IL1RAPL2: variants seen among roughly 807,000 people sequenced by gnomAD.
IL1RAPL2 encodes the protein X-linked interleukin-1 receptor accessory protein-like 2.
A neutral mutation model predicts 44.1 loss-of-function variants in IL1RAPL2; 3 were observed. The ratio of observed to expected loss-of-function variants is 0.07; its 90% CI spans 0.03 to 0.18. The LOEUF is 0.18. Ranked by LOEUF, IL1RAPL2 falls within the 10% of genes least tolerant of loss-of-function variation. The pLI, the probability that IL1RAPL2 is intolerant of heterozygous loss-of-function variation, is 1.00. For synonymous variants in IL1RAPL2, 181 were observed against 178.8 expected, an observed-to-expected ratio of 1.01 and a Z score of -0.10; for missense variants, 391 against 496.4, an observed-to-expected ratio of 0.79 and a Z score of 2.02.
chrX:105,659,003 T>C (rs1017672222), intron 6 of IL1RAPL2, among the ~76,000 whole-genome samples: 18 of 107,030 alleles, frequency 1.7e-4, no homozygotes, highest in South Asian at 4.2e-4. Context: ...GGCACGTGCC[T>C]ATAGTCCCAG....
intron 2 of IL1RAPL2, among the ~76,000 whole-genome samples, chrX:104,770,056 T>C (rs1207157217): frequency 9.1e-6 from 1 of 110,057 alleles, no homozygotes; most frequent in African/African-American, 3.3e-5. Flanking sequence ...ACATCTAGGA[T>C]TTTTTTTTGT....
At position 105,203,695 on chromosome X, in the gene IL1RAPL2, TACTTG is replaced by T. The variant is rs1246922675; in HGVS notation, c.356+7950_356+7954del. ...GCATGCCAGTTTTCAGTTCTCCTAT[TACTTG>T]ACCTGTAATGTCATGTGGCATAGTT... is the stretch of plus-strand genomic sequence containing the variant. On this transcript the variant is annotated intron_variant, in intron 3 of 10. Transcript: ENST00000372582. Among the ~76,000 whole-genome samples, 6 of 111,848 alleles carry T rather than the reference TACTTG, an allele frequency of 5.4e-5. No homozygotes were observed. The Admixed American group carries it at 5.7e-4, about 11-fold the overall frequency.
At chrX:105,678,111 A>AT (rs1357710244) in intron 6 of IL1RAPL2, among the ~76,000 whole-genome samples, 7 of 112,243 alleles carry the variant, frequency 6.2e-5, no homozygotes, top group Non-Finnish European at 1.3e-4. Context: ...GAGGTGAATA[A>AT]TAAAAAAAGA....
chrX:105,034,868 C>T (rs1178345017), intron 2 of IL1RAPL2, among the ~76,000 whole-genome samples: 3 of 112,273 alleles, frequency 2.7e-5, no homozygotes, highest in African/African-American at 9.7e-5. Flanking sequence ...GGAAGGCCTC[C>T]TTGAGCTGTG....
At chrX:105,361,079 T>A (rs962112023) in intron 5 of IL1RAPL2, among the ~76,000 whole-genome samples, 1 of 111,618 alleles carries the variant, frequency 9.0e-6, no homozygotes, top group Admixed American at 9.6e-5. Context: ...AGAGAGAATG[T>A]GGCCTCTGAT....
In IL1RAPL2 at chrX:104,829,689, C is replaced by T. The variant is rs1055635569; in HGVS notation, c.82+170694C>T. On this transcript the variant is annotated intron_variant, in intron 2 of 10. Coordinates refer to ENST00000372582, the MANE Select transcript of IL1RAPL2 (RefSeq NM_017416.2). Reference sequence around the variant, plus strand: ...GATTCATAAGAACAGCATCATAACACGACGCGACGTTTTAATGTATAGCAT... The same window carrying T: ...GATTCATAAGAACAGCATCATAACATGACGCGACGTTTTAATGTATAGCAT... Among the ~76,000 whole-genome samples the T allele has an allele frequency of 5.3e-5, 6 of 112,416 alleles. No individual in the cohort carries two copies. In the East Asian group the frequency reaches 8.4e-4, roughly 16 times the overall value.
intron 6 of IL1RAPL2, among the ~76,000 whole-genome samples, chrX:105,528,680 C>T (rs2036610542): frequency 9.0e-6 from 1 of 110,910 alleles, no homozygotes; most frequent in South Asian, 3.7e-4. Flanking sequence ...GAGTCTGTTG[C>T]AGATATGATA....
In IL1RAPL2 at chrX:105,767,579, A is replaced by C; in HGVS notation, c.1979A>C (p.Lys660Thr). ...NGQLPLNNTL[K>T]DTQEFHRNSS... Reference sequence around the variant, plus strand: ...CAGCTACCCCTTAATAACACCCTGAAAGATACCCAGGAATTTCACAGGAAC... The same window carrying C: ...CAGCTACCCCTTAATAACACCCTGACAGATACCCAGGAATTTCACAGGAAC... Residue 660 changes from lysine to threonine, a missense_variant, in exon 11 of 11, where the codon AAA (lysine) becomes ACA (threonine). Physicochemically the swap from Lys to Thr is moderately conservative, Grantham distance 78. Coordinates refer to ENST00000372582, the MANE Select transcript of IL1RAPL2 (RefSeq NM_017416.2). 8.3e-7 allele frequency: 1 copy of C among 1,210,757 alleles called. No homozygotes were observed. The highest frequency in any genetic ancestry group is 1.1e-6 in the Non-Finnish European group (1 of 894,657).
chrX:105,665,903 C>T (rs1232150944), intron 6 of IL1RAPL2, among the ~76,000 whole-genome samples: 1 of 107,079 alleles, frequency 9.3e-6, no homozygotes, highest in Non-Finnish European at 1.9e-5. Context: ...GCTGGGACTA[C>T]AGGCGCCCGC....
Position 104,965,159 on chromosome X carries a change from G to A in IL1RAPL2, c.83-230316G>A, listed in dbSNP as rs959278627. Among the ~76,000 whole-genome samples the A allele has an allele frequency of 7.2e-5, 8 of 111,676 alleles. No individual in the cohort carries two copies. In the Admixed American group the frequency reaches 7.6e-4, roughly 11 times the overall value. ...ATTTTAGTGGGCTCATAAGGAACAG[G>A]AGATGAAGCCTTGTTTCTATACATG... On this transcript the variant is annotated intron_variant, in intron 2 of 10. Coordinates refer to ENST00000372582, the MANE Select transcript of IL1RAPL2 (RefSeq NM_017416.2).
At chrX:105,503,048 T>C (rs1388723935) in intron 6 of IL1RAPL2, among the ~76,000 whole-genome samples, 1 of 111,091 alleles carries the variant, frequency 9.0e-6, no homozygotes, top group Non-Finnish European at 1.9e-5. Context: ...GAACTGCACA[T>C]TTTTCTTGGA....
intron 6 of IL1RAPL2, among the ~76,000 whole-genome samples, chrX:105,547,477 G>A (rs1019319230): frequency 1.8e-5 from 2 of 111,864 alleles, no homozygotes; most frequent in African/African-American, 6.5e-5. Flanking sequence ...AAAATATAGG[G>A]CTTAAAACAT....
chrX:105,753,677 C>T lies in IL1RAPL2; in HGVS notation c.1193-1500C>T, dbSNP rs149893920. On this transcript the variant is annotated intron_variant, in intron 9 of 10. Transcript: ENST00000372582. ...CAGTGGAATGCGCCCAACTTGTAAG[C>T]GAAATGATCTCAACTACCCAGGGCA... is the stretch of plus-strand genomic sequence containing the variant. Among the ~76,000 whole-genome samples the T allele has an allele frequency of 1.6e-3, 183 of 111,740 alleles. 2 individuals carry two copies. The East Asian group carries it at 0.043, about 26-fold the overall frequency.
chrX:104,939,498 C>T (rs897889086), intron 2 of IL1RAPL2, among the ~76,000 whole-genome samples: 1 of 111,444 alleles, frequency 9.0e-6, no homozygotes, highest in Non-Finnish European at 1.9e-5. Flanking sequence ...CCTGAATCTG[C>T]CCAACTTTTT....
At chrX:105,408,754 A>G (rs1310803599) in intron 5 of IL1RAPL2, among the ~76,000 whole-genome samples, 2 of 111,401 alleles carry the variant, frequency 1.8e-5, no homozygotes, top group African/African-American at 6.5e-5. Context: ...TCATTCACTT[A>G]AAGGTACCTC....
chrX:104,631,457 A>C (rs1929647957), intron 1 of IL1RAPL2, among the ~76,000 whole-genome samples: 2 of 111,544 alleles, frequency 1.8e-5, no homozygotes, highest in Admixed American at 1.9e-4. Flanking sequence ...TCCCACCAAC[A>C]GTGTAAAAGT....
At chrX:104,907,196 T>C (rs1446162120) in intron 2 of IL1RAPL2, among the ~76,000 whole-genome samples, 3 of 111,818 alleles carry the variant, frequency 2.7e-5, no homozygotes, top group African/African-American at 6.5e-5. Flanking sequence ...TCTCTCTCTT[T>C]TTCTTTATTA....
intron 1 of IL1RAPL2, among the ~76,000 whole-genome samples, chrX:104,608,610 A>T (rs932207322): frequency 1.0e-5 from 1 of 95,727 alleles, no homozygotes; most frequent in Non-Finnish European, 2.1e-5. Flanking sequence ...GTCTCTTTTG[A>T]TCTTTGTTGT....
chrX:104,814,497 G>A (rs919043692), intron 2 of IL1RAPL2, among the ~76,000 whole-genome samples: 2 of 112,300 alleles, frequency 1.8e-5, no homozygotes, highest in African/African-American at 6.5e-5. Context: ...CAAAATTGCA[G>A]GCATGCAGTT....
Sources: allele counts gnomAD v4.1 joint callset (sites outside exome capture counted in the v4.1 genomes callset), GRCh38; gene constraint gnomAD v4.1.1; transcripts MANE v1.5; gene names NCBI Gene and HGNC (gene_info 2026-07-23, HGNC 2026-07-21).